Variants in HDAC10 observed in about 807,000 individuals in gnomAD.
The protein encoded by HDAC10 is polyamine deacetylase HDAC10.
A neutral mutation model predicts 82.3 loss-of-function variants in HDAC10; 90 were observed. The ratio of observed to expected loss-of-function variants is 1.09; its 90% CI spans 0.92 to 1.30. The LOEUF is 1.30. Among genes scored for constraint, HDAC10 ranks in the 50% most tolerant of loss-of-function variants. The pLI, the probability that HDAC10 is intolerant of heterozygous loss-of-function variation, is 0.00. For synonymous variants in HDAC10, 456 were observed against 391.7 expected, an observed-to-expected ratio of 1.16 and a Z score of -1.94; for missense variants, 934 against 876.3, an observed-to-expected ratio of 1.07 and a Z score of -0.83.
intron 3 of HDAC10, 108 bp from the exon 4 acceptor site, chr22:50,250,268 G>T: frequency 8.0e-7 from 1 of 1,256,360 alleles, no homozygotes; most frequent in Non-Finnish European, 1.1e-6. Context: ...AGCAGAACAG[G>T]CCAGCCCCAG....
chr22:50,249,024 T>C lies in HDAC10; in HGVS notation c.756+79A>G. 1 of 1,453,542 alleles carries C rather than the reference T, an allele frequency of 6.9e-7. No individual in the cohort carries two copies. The highest frequency in any genetic ancestry group is 1.2e-5 in the South Asian group (1 of 82,600). 90.0% of individuals were successfully genotyped at this position (1,453,542 alleles called of 1,614,324 possible). On this transcript the variant is annotated intron_variant, in intron 8 of 19. Transcript: ENST00000216271. This position sits in a 1 kb window ranked among gnomAD's most constrained non-coding sequence, Gnocchi z 4.4. ...GGAGTGGGACAGCTCATAACCCTCC[T>C]CCTGCCTTCACTGGCGCACTCCAGG... is the stretch of plus-strand genomic sequence containing the variant.
In HDAC10 at chr22:50,249,802, G is replaced by T; in HGVS notation, c.494+58C>A. On this transcript the variant is annotated intron_variant, in intron 5 of 19. Coordinates refer to ENST00000216271, the MANE Select transcript of HDAC10 (RefSeq NM_032019.6). The surrounding 1 kb of genome is among the most constrained non-coding windows in gnomAD (Gnocchi z 4.4). ...TGCTGGCTGGGTTCTCTCGCCTCCT[G>T]CGCTGCCCCTTGCTGTGTGGCCTGG... 6.2e-7 allele frequency: 1 copy of T among 1,602,208 alleles called. No individual in the cohort carries two copies. Among genetic ancestry groups the T allele is most frequent in the Non-Finnish European group, 8.5e-7 (1 of 1,172,166 alleles).
In HDAC10 at chr22:50,247,960, A is replaced by C; in HGVS notation, c.1267T>G (p.Leu423Val). Reference protein sequence around the residue: ...AVALTTPDITLVLPPDVIQQE... With the variant: ...AVALTTPDITVVLPPDVIQQE... ...TGGATGACGTCAGGGGGCAGAACCAATGTGATATCCGGCGTTGTCAGGGCA... is the reference window on the plus strand; with the variant it reads ...TGGATGACGTCAGGGGGCAGAACCACTGTGATATCCGGCGTTGTCAGGGCA... Residue 423 changes from leucine (L) to valine (V), a missense_variant, in exon 13 of 20, where the codon TTG (leucine) becomes GTG (valine). Physicochemically the swap from Leu to Val is conservative, Grantham distance 32. Transcript: ENST00000216271. 6.2e-7 allele frequency: 1 copy of C among 1,612,860 alleles called. No individual in the cohort carries two copies. Among genetic ancestry groups the C allele is most frequent in the Non-Finnish European group, 8.5e-7 (1 of 1,179,982 alleles).
In HDAC10 at chr22:50,248,162, G is replaced by A. The variant is rs1354946597; in HGVS notation, c.1082-17C>T. ...CGGTCACATCTAGGGACAGTTCGGA[G>A]TCATAGCCACTGCACAGGAGCCCGA... On this transcript the variant is annotated splice_polypyrimidine_tract_variant and intron_variant, in intron 12 of 19. Transcript: ENST00000216271. The surrounding 1 kb of genome is among the most constrained non-coding windows in gnomAD (Gnocchi z 5.4). The A allele has an allele frequency of 2.5e-6, 4 of 1,592,714 alleles. No individual in the cohort carries two copies. In the Admixed American group the frequency reaches 6.8e-5, roughly 27 times the overall value.
In HDAC10 at chr22:50,249,561, G is replaced by A. The variant is rs562011269; in HGVS notation, c.563+74C>T. On this transcript the variant is annotated intron_variant, in intron 6 of 19. Coordinates refer to ENST00000216271, the MANE Select transcript of HDAC10 (RefSeq NM_032019.6). This position sits in a 1 kb window ranked among gnomAD's most constrained non-coding sequence, Gnocchi z 4.4. ...GAGCACATGTCTGTATCTCACCCCT[G>A]GATTTTCCCAGGCCAGGCTGTGCAC... 86 of 1,607,542 alleles carry A rather than the reference G, an allele frequency of 5.3e-5. No homozygotes were observed. The South Asian group carries it at 8.7e-4, about 16-fold the overall frequency.
Position 50,251,247 on chromosome 22 carries a change from G to A in HDAC10, c.-215C>T, listed in dbSNP as rs577431713. The A allele has an allele frequency of 1.0e-5, 5 of 485,850 alleles. No individual in the cohort carries two copies. Among genetic ancestry groups the A allele is most frequent in the African/African-American group, 4.1e-5 (2 of 49,040 alleles). The allele number at this position is 485,850 out of a possible 1,614,324, so 30.1% of individuals were successfully genotyped here. ...GCACGGAGCGAGGCTGCAGTCGAAG[G>A]GGGAGGCTCCCCGCGCCTGGCTTCC... On this transcript the variant is annotated 5_prime_UTR_variant, in exon 1 of 20. Coordinates refer to ENST00000216271, the MANE Select transcript of HDAC10 (RefSeq NM_032019.6).
In HDAC10 at chr22:50,247,937, G is replaced by A. The variant is rs761270255; in HGVS notation, c.1290C>T (p.Ile430=). ...CCCTCAGGGCTGACGCTTCCTGTTG[G>A]ATGACGTCAGGGGGCAGAACCAATG... The part of the protein sequence containing the change: ...DITLVLPPDV[I]QQEASALREE... Residue 430 remains isoleucine (I), a synonymous_variant, in exon 13 of 20, where the codon ATC becomes ATT. Coordinates refer to ENST00000216271, the MANE Select transcript of HDAC10 (RefSeq NM_032019.6). 1.2e-6 allele frequency: 2 copies of A among 1,612,838 alleles called. No homozygotes were observed. The highest frequency in any genetic ancestry group is 2.2e-5 in the South Asian group (2 of 91,084).
chr22:50,249,759 C>A lies in HDAC10; in HGVS notation c.495-56G>T. 6.2e-7 allele frequency: 1 copy of A among 1,608,706 alleles called. No homozygotes were observed. The highest frequency in any genetic ancestry group is 8.5e-7 in the Non-Finnish European group (1 of 1,177,288). ...GCAGGGCCTCCCACCTCCAGGAGCC[C>A]GGCCAGGGATGGGAAGGTGCTGGCT... On this transcript the variant is annotated intron_variant, in intron 5 of 19. Transcript: ENST00000216271. The surrounding 1 kb of genome is among the most constrained non-coding windows in gnomAD (Gnocchi z 4.4).
In HDAC10 at chr22:50,250,843, C is replaced by T. The variant is rs2065073107; in HGVS notation, c.122G>A (p.Arg41His). The T allele has an allele frequency of 2.5e-6, 4 of 1,602,534 alleles. No individual in the cohort carries two copies. In the East Asian group the frequency reaches 9.0e-5, roughly 36 times the overall value. ...CCGCAGACACCTCTGTTCCAGGCCG[C>T]GCTGCCGCAGGCGATCCAGGGCTGC... The part of the protein sequence containing the change: ...LTAALDRLRQ[R>H]GLEQRCLRLS... Residue 41 changes from arginine (R) to histidine (H), a missense_variant, in exon 2 of 20, where the codon CGC becomes CAC. Arg to His is a conservative substitution (Grantham distance 29). Coordinates refer to ENST00000216271, the MANE Select transcript of HDAC10 (RefSeq NM_032019.6).
At chr22:50,245,617 G>T (rs2064921705) in intron 19 of HDAC10, 58 bp downstream of exon 19, 9 of 1,608,974 alleles carry the variant, frequency 5.6e-6, no homozygotes, top group South Asian at 2.2e-5. Flanking sequence ...CCTCCCCACC[G>T]ATCTGTGCGG....
rs750690429 is a variant in HDAC10 at position 50,247,948 on chromosome 22, G to A, written c.1279C>T (p.Pro427Ser). 4 of 1,612,750 alleles carry A rather than the reference G, an allele frequency of 2.5e-6. No individual in the cohort carries two copies. In the Admixed American group the frequency reaches 6.7e-5, roughly 27 times the overall value. ...GACGCTTCCTGTTGGATGACGTCAGGGGGCAGAACCAATGTGATATCCGGC... is the reference window on the plus strand; with the variant it reads ...GACGCTTCCTGTTGGATGACGTCAGAGGGCAGAACCAATGTGATATCCGGC... The part of the protein sequence containing the change: ...TTPDITLVLP[P>S]DVIQQEASAL... Residue 427 changes from proline (P) to serine (S), a missense_variant, in exon 13 of 20, where the codon CCT (proline) becomes TCT (serine). Transcript: ENST00000216271.
At chr22:50,246,548 C>G (rs2064952007) in intron 16 of HDAC10, 131 bp downstream of exon 16, 1 of 1,108,686 alleles carries the variant, frequency 9.0e-7, no homozygotes, top group Non-Finnish European at 1.3e-6. Flanking sequence ...TCTCCCACAC[C>G]CCAGCTGAGG....
chr22:50,245,990 G>C lies in HDAC10; in HGVS notation c.1753C>G (p.Leu585Val). 6.2e-7 allele frequency: 1 copy of C among 1,611,142 alleles called. No homozygotes were observed. Among genetic ancestry groups the C allele is most frequent in the Admixed American group, 1.7e-5 (1 of 59,784 alleles). Residue 585 changes from leucine to valine, a missense_variant, in exon 18 of 20, where the codon CTG (leucine) becomes GTG (valine). By Grantham distance (32) the Leu-to-Val change is conservative. Coordinates refer to ENST00000216271, the MANE Select transcript of HDAC10 (RefSeq NM_032019.6). ...VLVALGPGHG[L>V]QGPHAALLAA... ...AGGAGTGCAGCGTGGGGGCCCTGCA[G>C]GCCATGGCCAGGCCCCAGCGCCACC...
Position 50,248,315 on chromosome 22 carries a change from G to T in HDAC10, c.1014-23C>A. The T allele has an allele frequency of 3.7e-6, 6 of 1,612,050 alleles. No homozygotes were observed. The highest frequency in any genetic ancestry group is 4.2e-6 in the Non-Finnish European group (5 of 1,179,784). On this transcript the variant is annotated intron_variant, in intron 11 of 19. Coordinates refer to ENST00000216271, the MANE Select transcript of HDAC10 (RefSeq NM_032019.6). This position sits in a 1 kb window ranked among gnomAD's most constrained non-coding sequence, Gnocchi z 5.4. Reference sequence around the variant, plus strand: ...GCACTGTGAGGGAGACACAACAGTCGTGACACCTGGTCTCACACCCCGGCC... The same window carrying T: ...GCACTGTGAGGGAGACACAACAGTCTTGACACCTGGTCTCACACCCCGGCC...
At position 50,248,734 on chromosome 22, in the gene HDAC10, C is replaced by T. The variant is rs777073763; in HGVS notation, c.834G>A (p.Thr278=). 79 of 1,575,948 alleles carry T rather than the reference C, an allele frequency of 5.0e-5. No homozygotes were observed. In the African/African-American group the frequency reaches 8.7e-4, roughly 17 times the overall value. Residue 278 remains threonine (T), a synonymous_variant, in exon 10 of 20, where the codon ACG becomes ACA. Transcript: ENST00000216271. This position sits in a 1 kb window ranked among gnomAD's most constrained non-coding sequence, Gnocchi z 5.4. ...GTGTGAGGTGGGCGAAGCACTCTGGCGTGGCCTGCATTTGCCCCTGGAACC... is the reference window on the plus strand; with the variant it reads ...GTGTGAGGTGGGCGAAGCACTCTGGTGTGGCCTGCATTTGCCCCTGGAACC... ...IGDPEGQMQA[T]PECFAHLTQL...
rs1223236424 is a variant in HDAC10 at position 50,249,675 on chromosome 22, G to A, written c.523C>T (p.His175Tyr). Reference sequence around the variant, plus strand: ...AAGAGATACTGGATCCCCTGGCCATGGTGCACATCCCAGTCCACGACGAGG... The same window carrying A: ...AAGAGATACTGGATCCCCTGGCCATAGTGCACATCCCAGTCCACGACGAGG... ...RILVVDWDVH[H>Y]GQGIQYLFED... The change falls in exon 6 of 20, where the codon CAT becomes TAT. Residue 175 changes from histidine to tyrosine, a missense_variant. Coordinates refer to ENST00000216271, the MANE Select transcript of HDAC10 (RefSeq NM_032019.6). The surrounding 1 kb of genome is among the most constrained non-coding windows in gnomAD (Gnocchi z 4.4). The A allele has an allele frequency of 1.2e-6, 2 of 1,612,898 alleles. No individual in the cohort carries two copies. The highest frequency in any genetic ancestry group is 1.1e-5 in the South Asian group (1 of 91,090).
At chr22:50,247,629 T>C (rs1449720905) in intron 14 of HDAC10, 63 bp downstream of exon 14, 12 of 1,192,140 alleles carry the variant, frequency 1.0e-5, no homozygotes, top group Non-Finnish European at 1.1e-5. Context: ...CACATCTCGT[T>C]GGCAGGTCCT....
In HDAC10 at chr22:50,250,969, C is replaced by T; in HGVS notation, c.59+5G>A. On this transcript the variant is annotated splice_donor_5th_base_variant and intron_variant, in intron 1 of 19. Transcript: ENST00000216271. ...CGCACCCCACCTCGGCCAGGTCCCACTTACTCGTCCCAGAGCAGCCGGGTG... is the reference window on the plus strand; with the variant it reads ...CGCACCCCACCTCGGCCAGGTCCCATTTACTCGTCCCAGAGCAGCCGGGTG... 3 of 1,612,452 alleles carry T rather than the reference C, an allele frequency of 1.9e-6. No homozygotes were observed. Among genetic ancestry groups the T allele is most frequent in the Non-Finnish European group, 2.5e-6 (3 of 1,179,638 alleles).
Position 50,245,296 on chromosome 22 carries a change from G to T in HDAC10, c.*211C>A. On this transcript the variant is annotated 3_prime_UTR_variant, in exon 20 of 20. Transcript: ENST00000216271. ...TGCATGGGCCTCGATGGGACGGGCC[G>T]GGGCGCGATGGGTGGGGCGGGGGCG... 1 of 615,992 alleles carries T rather than the reference G, an allele frequency of 1.6e-6. No individual in the cohort carries two copies. Among genetic ancestry groups the T allele is most frequent in the South Asian group, 1.8e-5 (1 of 54,146 alleles). The allele number at this position is 615,992 out of a possible 1,614,324, so 38.2% of individuals were successfully genotyped here. A position where few individuals can be genotyped will look rare whatever the true frequency, so the allele number is the denominator to read the frequency against.
Sources: gnomAD v4.1 joint callset for allele counts on GRCh38, gnomAD v4.1.1 for gene constraint, Gnocchi (gnomAD v3.1) non-coding constraint, MANE v1.5 for transcripts, NCBI Gene and HGNC (gene_info 2026-07-23, HGNC 2026-07-21) for gene names.